The following ZNHIT6 variants were observed in gnomAD, a reference collection of about 807,000 sequenced individuals.
The protein encoded by ZNHIT6 is zinc finger HIT-type containing 6, also known as box C/D snoRNA protein 1.
In ZNHIT6, 45 loss-of-function variants were observed where a neutral mutation model predicts 57.2. That is an observed-to-expected ratio of 0.79 (90% confidence interval 0.62 to 1.01). ZNHIT6 has a LOEUF of 1.01. Among genes scored for constraint, ZNHIT6 ranks in the 50% least tolerant of loss-of-function variants. The pLI is 0.00. For synonymous variants in ZNHIT6, 188 were observed against 190.0 expected (o/e 0.99, Z 0.09); for missense variants, 528 against 567.3 (o/e 0.93, Z 0.70).
rs1161159476 is a variant in ZNHIT6 at position 85,652,369 on chromosome 1, T to A, written c.*1689A>T. On this transcript the variant is annotated 3_prime_UTR_variant, in exon 10 of 10. Coordinates refer to ENST00000370574, the MANE Select transcript of ZNHIT6 (RefSeq NM_017953.4). ...TTGATTATAAATGAATTCCTTGAAA[T>A]CTTATTTGTCTCTCCAATAATACTG... The A allele has an allele frequency of 1.3e-5, 2 of 152,228 alleles. No individual in the cohort carries two copies. Among genetic ancestry groups the A allele is most frequent in the Non-Finnish European group, 2.9e-5 (2 of 68,034 alleles). 9.4% of individuals were successfully genotyped at this position (152,228 alleles called of 1,614,324 possible). A position where few individuals can be genotyped will look rare whatever the true frequency, so the allele number is the denominator to read the frequency against.
intron 9 of ZNHIT6, among the ~76,000 whole-genome samples, chr1:85,655,230 A>G (rs1490989572): frequency 6.6e-6 from 1 of 152,094 alleles, no homozygotes; most frequent in Non-Finnish European, 1.5e-5. Context: ...TTTAGCATCT[A>G]TTGTATAATA....
chr1:85,705,428 C>T (rs1288117462), intron 4 of ZNHIT6, among the ~76,000 whole-genome samples: 1 of 152,120 alleles, frequency 6.6e-6, no homozygotes, highest in East Asian at 1.9e-4. Context: ...GTTGCCCAGG[C>T]TGGTCTTGAA....
chr1:85,680,761 T>G, intron 6 of ZNHIT6, 75 bp downstream of exon 6: 1 of 1,134,874 alleles, frequency 8.8e-7, no homozygotes, highest in Non-Finnish European at 1.3e-6. Flanking sequence ...ACTACTGACA[T>G]TAAGTTAACA....
intron 8 of ZNHIT6, among the ~76,000 whole-genome samples, chr1:85,662,416 C>A (rs1430127028): frequency 6.6e-6 from 1 of 152,082 alleles, no homozygotes; most frequent in East Asian, 1.9e-4. Flanking sequence ...TAAATTTCTA[C>A]AATTTTTGAT....
At chr1:85,691,287 T>C (rs764474997) in intron 5 of ZNHIT6, among the ~76,000 whole-genome samples, 17 of 152,276 alleles carry the variant, frequency 1.1e-4, no homozygotes, top group Non-Finnish European at 1.8e-4. Flanking sequence ...TTGTGATTCC[T>C]CCTTTAAAAA....
chr1:85,671,643 A>G (rs2100666208), intron 8 of ZNHIT6, among the ~76,000 whole-genome samples: 1 of 152,300 alleles, frequency 6.6e-6, no homozygotes, highest in South Asian at 2.1e-4. Flanking sequence ...AATAATACAC[A>G]GGAGTGATTT....
chr1:85,691,437 G>A (rs1200390869), intron 5 of ZNHIT6, among the ~76,000 whole-genome samples: 1 of 152,240 alleles, frequency 6.6e-6, no homozygotes, highest in East Asian at 1.9e-4. Context: ...ACGGAATGGA[G>A]TACAGACAGT....
intron 8 of ZNHIT6, among the ~76,000 whole-genome samples, chr1:85,658,500 GA>G (rs1397864701): frequency 3.9e-5 from 6 of 152,096 alleles, no homozygotes; most frequent in Admixed American, 2.0e-4. Flanking sequence ...AAAGTGCTGG[GA>G]TTACAGGCGT....
chr1:85,692,192 A>T (rs1304967787), intron 5 of ZNHIT6, among the ~76,000 whole-genome samples: 1 of 152,112 alleles, frequency 6.6e-6, no homozygotes, highest in Non-Finnish European at 1.5e-5. Context: ...AGGCAGTAAG[A>T]AAGGGACACA....
intron 5 of ZNHIT6, among the ~76,000 whole-genome samples, chr1:85,692,037 C>T (rs1040134006): frequency 1.3e-5 from 2 of 152,054 alleles, no homozygotes; most frequent in African/African-American, 2.4e-5. Flanking sequence ...AGTTTGGTGG[C>T]GCGCACCTAT....
rs1003537135 is a variant in ZNHIT6, at chr1:85,653,118, G to C, written c.*940C>G. The C allele has an allele frequency of 6.6e-6, 1 of 152,156 alleles. No homozygotes were observed. The highest frequency in any genetic ancestry group is 2.4e-5 in the African/African-American group (1 of 41,426). 9.4% of individuals were successfully genotyped at this position (152,156 alleles called of 1,614,324 possible). ...GGCTAGGAATGTGATGAAAGGCACA[G>C]AATTCATAAGACTTGAGTAAGTAGA... On this transcript the variant is annotated 3_prime_UTR_variant, in exon 10 of 10. Coordinates refer to ENST00000370574, the MANE Select transcript of ZNHIT6 (RefSeq NM_017953.4).
intron 7 of ZNHIT6, 74 bp downstream of exon 7, chr1:85,678,627 A>C: frequency 1.0e-6 from 1 of 967,962 alleles, no homozygotes; most frequent in Non-Finnish European, 1.6e-6. Context: ...ACATTCTAAT[A>C]GTCATGGATG....
intron 5 of ZNHIT6, among the ~76,000 whole-genome samples, chr1:85,686,332 T>G (rs146871266): frequency 6.6e-6 from 1 of 152,122 alleles, no homozygotes; most frequent in East Asian, 1.9e-4. Flanking sequence ...TTTTGCCCCC[T>G]TTGAGAAAAA....
chr1:85,675,105 G>A (rs1661663458), intron 8 of ZNHIT6, among the ~76,000 whole-genome samples: 1 of 152,138 alleles, frequency 6.6e-6, no homozygotes, highest in Non-Finnish European at 1.5e-5. Context: ...TCCCCAAAGG[G>A]AGCAGTTAAG....
chr1:85,692,193 A>G (rs895595421), intron 5 of ZNHIT6, among the ~76,000 whole-genome samples: 2 of 152,120 alleles, frequency 1.3e-5, no homozygotes, highest in Admixed American at 1.3e-4. Flanking sequence ...GGCAGTAAGA[A>G]AGGGACACAT....
intron 5 of ZNHIT6, among the ~76,000 whole-genome samples, chr1:85,695,977 A>C (rs1336003682): frequency 6.6e-6 from 1 of 152,226 alleles, no homozygotes. Flanking sequence ...CAGAGATTGC[A>C]GTAAGCTGAG....
rs1256338176 is a variant in ZNHIT6 at position 85,706,071 on chromosome 1, A to G, written c.915+7T>C. 1.2e-6 allele frequency: 2 copies of G among 1,600,374 alleles called. No homozygotes were observed. Among genetic ancestry groups the G allele is most frequent in the South Asian group, 1.1e-5 (1 of 87,968 alleles). ...TCTAACTGGAAGAAATTAGGAAAAAATCTTACATATTTATTGCTTATTGGT... is the reference window on the plus strand; with the variant it reads ...TCTAACTGGAAGAAATTAGGAAAAAGTCTTACATATTTATTGCTTATTGGT... On this transcript the variant is annotated splice_region_variant and intron_variant, in intron 4 of 9. Transcript: ENST00000370574.
chr1:85,699,487 C>T lies in ZNHIT6; in HGVS notation c.1019+2670G>A, dbSNP rs993094406. Among the ~76,000 whole-genome samples, 6 of 152,164 alleles carry T rather than the reference C, an allele frequency of 3.9e-5. No individual in the cohort carries two copies. The East Asian group carries it at 5.8e-4, about 15-fold the overall frequency. On this transcript the variant is annotated intron_variant, in intron 5 of 9. Coordinates refer to ENST00000370574, the MANE Select transcript of ZNHIT6 (RefSeq NM_017953.4). ...TCTGCCTCCTGCAGTGGACATCTGG[C>T]AATGTCTTAACAAGAAATTAAAAAT...
At chr1:85,696,758 T>C (rs1662382000) in intron 5 of ZNHIT6, among the ~76,000 whole-genome samples, 1 of 152,092 alleles carries the variant, frequency 6.6e-6, no homozygotes, top group Non-Finnish European at 1.5e-5. Context: ...GAAAATGGCC[T>C]GGTTAATCCA....
Sources: gnomAD v4.1 joint callset for allele counts (sites outside exome capture counted in the v4.1 genomes callset) on GRCh38, gnomAD v4.1.1 for gene constraint, MANE v1.5 for transcripts, NCBI Gene and HGNC (gene_info 2026-07-23, HGNC 2026-07-21) for gene names.